Variants in TELO2 observed in about 807,000 individuals in gnomAD.
TELO2 encodes the protein telomere length regulation protein TEL2 homolog.
Under a neutral mutation model 91.0 loss-of-function variants are expected in TELO2, and 71 were observed. That is an observed-to-expected ratio of 0.78 (90% CI 0.64 to 0.95). The LOEUF is 0.95. Among genes scored for constraint, TELO2 ranks in the 40% least tolerant of loss-of-function variants. The pLI is 0.00. For synonymous variants in TELO2, 584 were observed against 518.9 expected (o/e 1.13, Z -1.71); for missense variants, 1,183 against 1,141.3 (o/e 1.04, Z -0.53).
In TELO2 at chr16:1,505,642, G is replaced by C. The variant is rs200210338; in HGVS notation, c.2034+41G>C. 6.7e-7 allele frequency: 1 copy of C among 1,496,296 alleles called. No individual in the cohort carries two copies. Among genetic ancestry groups the C allele is most frequent in the East Asian group, 2.4e-5 (1 of 41,872 alleles). The allele number at this position is 1,496,296 out of a possible 1,614,324, so 92.7% of individuals were successfully genotyped here. On this transcript the variant is annotated intron_variant, in intron 16 of 20. Coordinates refer to ENST00000262319, the MANE Select transcript of TELO2 (RefSeq NM_016111.4). The surrounding 1 kb of genome is among the most constrained non-coding windows in gnomAD (Gnocchi z 4.3). The stretch of plus-strand genomic sequence containing the variant: ...TCAGCTCCTCACGGGCATGGGGACC[G>C]TGGGTGGGTGGGAAGGGCGGTCAGA...
In TELO2 at chr16:1,502,148, C is replaced by A; in HGVS notation, c.1561+13C>A. 6.2e-7 allele frequency: 1 copy of A among 1,612,394 alleles called. No homozygotes were observed. The highest frequency in any genetic ancestry group is 8.5e-7 in the Non-Finnish European group (1 of 1,179,860). ...GACTGCGTGGAAGGTGGGCACGGGC[C>A]CCTGGAGGGCCTTGCTGGGCTGGGC... On this transcript the variant is annotated intron_variant, in intron 12 of 20. Transcript: ENST00000262319.
chr16:1,507,116 C>T, intron 18 of TELO2, 65 bp downstream of exon 18: 1 of 1,527,798 alleles, frequency 6.5e-7, no homozygotes, highest in South Asian at 1.2e-5. Context: ...GCTCCTCAGC[C>T]TCACCTGCGC....
intron 16 of TELO2, 35 bp from the exon 17 acceptor site, chr16:1,506,203 T>C (rs767058026): frequency 6.2e-7 from 1 of 1,609,906 alleles, no homozygotes; most frequent in Non-Finnish European, 8.5e-7. Flanking sequence ...TGCCCAAGCC[T>C]GCACCTCCGT....
intron 5 of TELO2, among the ~76,000 whole-genome samples, chr16:1,498,909 A>G (rs908731647): frequency 6.6e-6 from 1 of 152,050 alleles, no homozygotes; most frequent in African/African-American, 2.4e-5. Flanking sequence ...TGTAAATAAA[A>G]TTTTTTTGGC....
intron 5 of TELO2, among the ~76,000 whole-genome samples, chr16:1,498,611 A>T (rs1334440013): frequency 6.6e-6 from 1 of 151,746 alleles, no homozygotes; most frequent in Non-Finnish European, 1.5e-5. Flanking sequence ...TAATTTTTAA[A>T]TTTTTTGTAG....
chr16:1,502,860 G>A, intron 14 of TELO2, 71 bp from the exon 15 acceptor site: 1 of 1,603,542 alleles, frequency 6.2e-7, no homozygotes, highest in Middle Eastern at 1.7e-4. Flanking sequence ...AGCTGGCTGT[G>A]AGGTGCCCGG....
Position 1,509,984 on chromosome 16 carries a change from G to A in TELO2, c.*48G>A, listed in dbSNP as rs772567113. The A allele has an allele frequency of 1.1e-5, 17 of 1,504,622 alleles. No individual in the cohort carries two copies. Among genetic ancestry groups the A allele is most frequent in the Admixed American group, 5.8e-5 (3 of 51,378 alleles). The allele number at this position is 1,504,622 out of a possible 1,614,324, so 93.2% of individuals were successfully genotyped here. On this transcript the variant is annotated 3_prime_UTR_variant, in exon 21 of 21. Coordinates refer to ENST00000262319, the MANE Select transcript of TELO2 (RefSeq NM_016111.4). Reference sequence around the variant, plus strand: ...CACCCTCGCCGACAGCAAGGCAGGCGGCTGAGCAGCGGCCTGGAGCAGCAG... The same window carrying A: ...CACCCTCGCCGACAGCAAGGCAGGCAGCTGAGCAGCGGCCTGGAGCAGCAG...
At chr16:1,499,175 G>C (rs1419357279) in intron 5 of TELO2, 56 bp from the exon 6 acceptor site, 1 of 1,586,138 alleles carries the variant, frequency 6.3e-7, no homozygotes, top group Non-Finnish European at 8.7e-7. Flanking sequence ...TCACGCTCTC[G>C]CTCCTCCCTG....
chr16:1,501,183 C>G (rs1427826487), intron 9 of TELO2, among the ~76,000 whole-genome samples: 1 of 152,234 alleles, frequency 6.6e-6, no homozygotes, highest in Non-Finnish European at 1.5e-5. Context: ...GGGGGAGGCC[C>G]AGCTCCTTCG....
intron 9 of TELO2, 129 bp downstream of exon 9, chr16:1,500,828 G>T (rs1180531601): frequency 1.4e-6 from 2 of 1,412,662 alleles, no homozygotes; most frequent in Admixed American, 2.3e-5. Flanking sequence ...TGGACTTCTC[G>T]CAGGGCTGAG....
At chr16:1,496,052 G>A (rs191883030) in intron 3 of TELO2, among the ~76,000 whole-genome samples, 358 of 152,364 alleles carry the variant, frequency 2.3e-3, no homozygotes, top group Non-Finnish European at 4.1e-3. Flanking sequence ...GCGAGTGTGC[G>A]TTTCACTAGC....
chr16:1,506,871 C>T (rs1336380658), intron 17 of TELO2, 81 bp from the exon 18 acceptor site: 19 of 1,472,040 alleles, frequency 1.3e-5, no homozygotes, highest in Middle Eastern at 2.1e-4. Flanking sequence ...GGGGCTCCCT[C>T]GGTCTCCCAC....
Position 1,495,466 on chromosome 16 carries a change from C to A in TELO2, c.456C>A (p.Leu152=), listed in dbSNP as rs138680627. 2 of 1,609,726 alleles carry A rather than the reference C, an allele frequency of 1.2e-6. No homozygotes were observed. The highest frequency in any genetic ancestry group is 8.5e-7 in the Non-Finnish European group (1 of 1,179,268). ...AGACGCAGCCCGGCTTCATCCTGCT[C>A]CGGGAGACGCTGCTGGGCAAGGTGG... The part of the protein sequence containing the change: ...RQQTQPGFIL[L]RETLLGKVVA... The change falls in exon 3 of 21, where the codon CTC becomes CTA. Residue 152 remains leucine (L), a synonymous_variant. Coordinates refer to ENST00000262319, the MANE Select transcript of TELO2 (RefSeq NM_016111.4).
intron 20 of TELO2, 80 bp downstream of exon 20, chr16:1,507,796 GAT>G (rs2039957048): frequency 1.1e-5 from 12 of 1,098,726 alleles, no homozygotes; most frequent in Admixed American, 3.5e-5. Context: ...GTGTGTGAGA[GAT>G]GTGTCGGCCC....
Position 1,505,701 on chromosome 16 carries a change from C to A in TELO2, c.2034+100C>A. 1.5e-6 allele frequency: 2 copies of A among 1,374,866 alleles called. No individual in the cohort carries two copies. The highest frequency in any genetic ancestry group is 2.2e-5 in the Admixed American group (1 of 44,538). The allele number at this position is 1,374,866 out of a possible 1,614,324, so 85.2% of individuals were successfully genotyped here. A position where few individuals can be genotyped will look rare whatever the true frequency, so the allele number is the denominator to read the frequency against. On this transcript the variant is annotated intron_variant, in intron 16 of 20. Coordinates refer to ENST00000262319, the MANE Select transcript of TELO2 (RefSeq NM_016111.4). The surrounding 1 kb of genome is among the most constrained non-coding windows in gnomAD (Gnocchi z 4.3). ...GGCGCTGTCTGCAGCGAGGGGCGGC[C>A]ACATTCGCTGGGGATGGTGCCTTTG...
At position 1,497,059 on chromosome 16, in the gene TELO2, T is replaced by G; in HGVS notation, c.637T>G (p.Phe213Val). Reference protein sequence around the residue: ...LQGGLDSSVSFVSQVLGKACV... With the variant: ...LQGGLDSSVSVVSQVLGKACV... ...AGGTGGCCTGGATTCCTCCGTGTCC[T>G]TCGTGTCTCAGGTCCTTGGGAAAGC... The change falls in exon 4 of 21, where the codon TTC (phenylalanine) becomes GTC (valine). Residue 213 changes from phenylalanine to valine, a missense_variant. Coordinates refer to ENST00000262319, the MANE Select transcript of TELO2 (RefSeq NM_016111.4). The surrounding 1 kb of genome is among the most constrained non-coding windows in gnomAD (Gnocchi z 4.0). The G allele has an allele frequency of 3.1e-6, 5 of 1,614,074 alleles. No homozygotes were observed. The highest frequency in any genetic ancestry group is 4.2e-6 in the Non-Finnish European group (5 of 1,179,992).
chr16:1,508,934 T>C (rs66697389), intron 20 of TELO2, among the ~76,000 whole-genome samples: 13,084 of 152,160 alleles, frequency 0.086, 727 homozygotes, highest in African/African-American at 0.15. Context: ...CTTTGCTTCT[T>C]TCAAGGGGGG....
chr16:1,495,766 C>A, intron 3 of TELO2, 143 bp downstream of exon 3: 1 of 1,219,728 alleles, frequency 8.2e-7, no homozygotes, highest in Non-Finnish European at 1.1e-6. Flanking sequence ...CCCTGTCCCG[C>A]ACAGTAGTGA....
chr16:1,503,140 C>A, intron 15 of TELO2, 138 bp downstream of exon 15: 2 of 938,928 alleles, frequency 2.1e-6, no homozygotes, highest in South Asian at 1.4e-5. Flanking sequence ...AGTGTGTGAC[C>A]CGGCAGGACT....
Sources: allele counts gnomAD v4.1 joint callset (sites outside exome capture counted in the v4.1 genomes callset), GRCh38; gene constraint gnomAD v4.1.1; non-coding constraint Gnocchi (gnomAD v3.1); transcripts MANE v1.5; gene names NCBI Gene and HGNC (gene_info 2026-07-23, HGNC 2026-07-21).